POLD3: variants seen among roughly 807,000 people sequenced by gnomAD.
The protein encoded by POLD3 is DNA polymerase delta 3, accessory subunit, also known as DNA polymerase delta subunit 3.
A neutral mutation model predicts 58.2 loss-of-function variants in POLD3; 19 were observed. The ratio of observed to expected loss-of-function variants is 0.33; its 90% CI spans 0.23 to 0.48. The LOEUF is 0.48. Among genes scored for constraint, POLD3 ranks in the 20% least tolerant of loss-of-function variants. POLD3 has a pLI of 0.99. For missense variants in POLD3, 504 were observed against 545.5 expected (o/e 0.92, Z 0.76); for synonymous variants, 172 against 193.5 (o/e 0.89, Z 0.92).
intron 5 of POLD3, among the ~76,000 whole-genome samples, chr11:74,614,940 A>G (rs1239691590): frequency 6.6e-6 from 1 of 152,196 alleles, no homozygotes; most frequent in Non-Finnish European, 1.5e-5. Context: ...TGAGAAATCC[A>G]AGTGAGGATG....
intron 4 of POLD3, among the ~76,000 whole-genome samples, chr11:74,663,228 G>T (rs551131547): frequency 1.3e-4 from 20 of 152,320 alleles, no homozygotes; most frequent in African/African-American, 4.8e-4. Context: ...GGAAATTAAA[G>T]AAACTAAATT....
intron 4 of POLD3, 142 bp downstream of exon 4, chr11:74,611,680 A>G: frequency 1.7e-6 from 1 of 604,174 alleles, no homozygotes. Flanking sequence ...AGTAGTTTTT[A>G]AAGCATGTTA....
chr11:74,604,633 G>C, intron 2 of POLD3, 59 bp from the exon 3 acceptor site: 1 of 877,524 alleles, frequency 1.1e-6, no homozygotes. Context: ...TTAATTAAGA[G>C]TTGATCATGT....
At chr11:74,604,439 CTAT>C in intron 2 of POLD3, 1 of 344,716 alleles carries the variant, frequency 2.9e-6, no homozygotes, top group South Asian at 4.6e-5. Flanking sequence ...CCCTCTTGGT[CTAT>C]TATTAATCTT....
chr11:74,660,132 G>A (rs1477055596), intron 4 of POLD3, among the ~76,000 whole-genome samples: 1 of 152,176 alleles, frequency 6.6e-6, no homozygotes, highest in East Asian at 1.9e-4. Flanking sequence ...GAAAAATGAG[G>A]AGGAAGCAAA....
chr11:74,611,223 G>C (rs1591298435), intron 3 of POLD3, among the ~76,000 whole-genome samples: 1 of 152,294 alleles, frequency 6.6e-6, no homozygotes, highest in African/African-American at 2.4e-5. Context: ...ACACTGATTT[G>C]AGATGCTGTA....
At chr11:74,606,249 A>G (rs1301492181) in intron 3 of POLD3, among the ~76,000 whole-genome samples, 1 of 152,254 alleles carries the variant, frequency 6.6e-6, no homozygotes, top group African/African-American at 2.4e-5. Context: ...TCTCTGAAGC[A>G]AAGTTAAACA....
chr11:74,643,379 A>C (rs2032960938), downstream of POLD3, among the ~76,000 whole-genome samples: 1 of 152,226 alleles, frequency 6.6e-6, no homozygotes, highest in Admixed American at 6.5e-5. Flanking sequence ...TGTCAAGCCC[A>C]TGACCTGGGG....
intron 4 of POLD3, among the ~76,000 whole-genome samples, chr11:74,665,321 C>T (rs2033254154): frequency 1.5e-5 from 1 of 66,226 alleles, no homozygotes; most frequent in Non-Finnish European, 3.3e-5. Flanking sequence ...AAGACTCTGT[C>T]TCAAAAAAAA....
downstream of POLD3, among the ~76,000 whole-genome samples, chr11:74,648,068 A>C (rs1416119797): frequency 1.3e-5 from 2 of 152,190 alleles, no homozygotes; most frequent in Non-Finnish European, 1.5e-5. Context: ...TTATAATGAA[A>C]AGTTAGAGAA....
chr11:74,643,689 G>A (rs551358960), downstream of POLD3, among the ~76,000 whole-genome samples: 2 of 152,200 alleles, frequency 1.3e-5, no homozygotes, highest in Non-Finnish European at 2.9e-5. Context: ...ATTCAGAAAT[G>A]AAGTTGGGGC....
chr11:74,616,510 G>A (rs1248087139), intron 5 of POLD3, among the ~76,000 whole-genome samples: 1 of 152,180 alleles, frequency 6.6e-6, no homozygotes. Context: ...AGAAAGAGTT[G>A]TTTCAAGGCC....
chr11:74,636,642 A>G (rs2032758480), intron 11 of POLD3, among the ~76,000 whole-genome samples: 1 of 152,144 alleles, frequency 6.6e-6, no homozygotes, highest in Admixed American at 6.5e-5. Context: ...TGGGCTTAAG[A>G]TGTTATCATA....
At chr11:74,612,264 T>C (rs1216153539) in intron 4 of POLD3, among the ~76,000 whole-genome samples, 2 of 152,212 alleles carry the variant, frequency 1.3e-5, no homozygotes, top group Non-Finnish European at 1.5e-5. Flanking sequence ...ACTTTCTGAA[T>C]TCCCACAGTG....
At chr11:74,615,085 G>C (rs563662082) in intron 5 of POLD3, among the ~76,000 whole-genome samples, 18 of 152,130 alleles carry the variant, frequency 1.2e-4, no homozygotes, top group African/African-American at 4.3e-4. Context: ...AATGAAAGAA[G>C]GGCAGAAAGT....
At chr11:74,649,614 A>G (rs2033042714) in intron 4 of POLD3, among the ~76,000 whole-genome samples, 1 of 152,212 alleles carries the variant, frequency 6.6e-6, no homozygotes, top group African/African-American at 2.4e-5. Flanking sequence ...AAGCTCCTGC[A>G]TGAAACCCCC....
intron 5 of POLD3, among the ~76,000 whole-genome samples, chr11:74,613,792 T>C (rs777809713): frequency 1.3e-5 from 2 of 152,194 alleles, no homozygotes; most frequent in Admixed American, 6.5e-5. Flanking sequence ...TACCTTTTCA[T>C]GTAACTGATG....
At chr11:74,595,429 A>G (rs924088003) in intron 2 of POLD3, 1 of 152,108 alleles carries the variant, frequency 6.6e-6, no homozygotes, top group Non-Finnish European at 1.5e-5. Flanking sequence ...ATATCTTTGG[A>G]GAAATAGATA....
At chr11:74,661,773 C>A (rs1326502620) in intron 4 of POLD3, among the ~76,000 whole-genome samples, 1 of 152,242 alleles carries the variant, frequency 6.6e-6, no homozygotes, top group African/African-American at 2.4e-5. Context: ...TTCTTCAGGG[C>A]AGCAAGTTCT....
Sources: allele counts gnomAD v4.1 joint callset (sites outside exome capture counted in the v4.1 genomes callset), GRCh38; gene constraint gnomAD v4.1.1; transcripts MANE v1.5; gene names NCBI Gene and HGNC (gene_info 2026-07-23, HGNC 2026-07-21).